The following ZFYVE9 variants were observed in gnomAD, a reference collection of about 807,000 sequenced individuals.
The protein encoded by ZFYVE9 is zinc finger FYVE domain-containing protein 9.
A neutral mutation model predicts 126.7 loss-of-function variants in ZFYVE9; 43 were observed. The observed-to-expected ratio is 0.34, with a 90% CI of 0.27 to 0.44. The LOEUF (loss-of-function observed/expected upper bound fraction) is 0.44. Ranked by LOEUF, ZFYVE9 falls within the 20% of genes least tolerant of loss-of-function variation. ZFYVE9 has a pLI of 1.00. For missense variants in ZFYVE9, 1,476 were observed against 1,697.0 expected (o/e 0.87, Z 2.29); for synonymous variants, 521 against 597.4 (o/e 0.87, Z 1.87).
At chr1:52,328,280 A>C (rs188225422) in intron 13 of ZFYVE9, among the ~76,000 whole-genome samples, 142 of 152,366 alleles carry the variant, frequency 9.3e-4, no homozygotes, top group African/African-American at 3.3e-3. Context: ...AGAGGCAATT[A>C]GGCCTTGAAC....
chr1:52,323,198 C>T (rs1646258165), intron 13 of ZFYVE9, among the ~76,000 whole-genome samples: 1 of 152,196 alleles, frequency 6.6e-6, no homozygotes. Flanking sequence ...GGCATGCTAC[C>T]TTACTGCCCT....
intron 4 of ZFYVE9, among the ~76,000 whole-genome samples, chr1:52,240,208 C>T (rs1017411758): frequency 6.6e-6 from 1 of 152,098 alleles, no homozygotes; most frequent in African/African-American, 2.4e-5. Flanking sequence ...TAGCTCTCCC[C>T]AAATTTTGTT....
chr1:52,190,353 T>C (rs1487061555), intron 1 of ZFYVE9: 3 of 152,212 alleles, frequency 2.0e-5, no homozygotes, highest in Non-Finnish European at 4.4e-5. Context: ...ACTGTTGAAT[T>C]GTCTATTTCT....
At chr1:52,178,097 G>A (rs1271084572) in intron 1 of ZFYVE9, among the ~76,000 whole-genome samples, 2 of 151,618 alleles carry the variant, frequency 1.3e-5, no homozygotes, top group African/African-American at 4.8e-5. Flanking sequence ...GGCTAACAAG[G>A]TGAAACCCCA....
chr1:52,155,753 T>C (rs1011203724), intron 1 of ZFYVE9, among the ~76,000 whole-genome samples: 1 of 152,182 alleles, frequency 6.6e-6, no homozygotes, highest in Non-Finnish European at 1.5e-5. Context: ...TGGGCCACAG[T>C]GGTATTCCTG....
chr1:52,238,022 C>G lies in ZFYVE9; in HGVS notation c.605C>G (p.Ser202Cys). The change falls in exon 4 of 19, where the codon TCC becomes TGC. Residue 202 changes from serine (S) to cysteine (C), a missense_variant. Physicochemically the swap from Ser to Cys is moderately radical, Grantham distance 112. This residue lies in a region of ZFYVE9 where 807 missense variants were observed against 794.6 expected (regional missense o/e 1.02). Coordinates refer to ENST00000287727, the MANE Select transcript of ZFYVE9 (RefSeq NM_004799.4). Reference sequence around the variant, plus strand: ...CAATTTAGTTTTAGTATAAATGAGTCCACTGAAAAAGATATGAATTCAGAG... The same window carrying G: ...CAATTTAGTTTTAGTATAAATGAGTGCACTGAAAAAGATATGAATTCAGAG... Reference protein sequence around the residue: ...TDQFSFSINESTEKDMNSEKQ... With the variant: ...TDQFSFSINECTEKDMNSEKQ... 2.5e-6 allele frequency: 4 copies of G among 1,613,730 alleles called. No individual in the cohort carries two copies. The South Asian group carries it at 3.3e-5, about 13-fold the overall frequency.
chr1:52,335,192 T>C (rs1467904935), intron 15 of ZFYVE9: 1 of 153,424 alleles, frequency 6.5e-6, no homozygotes, highest in Non-Finnish European at 1.5e-5. Context: ...TTAATTAAAC[T>C]AAAAGCTAAT....
At position 52,238,602 on chromosome 1, in the gene ZFYVE9, A is replaced by T. The variant is rs930011694; in HGVS notation, c.1185A>T (p.Glu395Asp). The change falls in exon 4 of 19, where the codon GAA (glutamate) becomes GAT (aspartate). Residue 395 changes from glutamate to aspartate, a missense_variant. Transcript: ENST00000287727. ...EFLNMTEHFS[E>D]SQDMTNWKLT... Reference sequence around the variant, plus strand: ...TTAATATGACAGAGCATTTCTCTGAATCTCAGGACATGACTAATTGGAAGT... The same window carrying T: ...TTAATATGACAGAGCATTTCTCTGATTCTCAGGACATGACTAATTGGAAGT... The T allele has an allele frequency of 1.9e-6, 3 of 1,613,964 alleles. No homozygotes were observed. The highest frequency in any genetic ancestry group is 1.3e-5 in the African/African-American group (1 of 74,930).
intron 1 of ZFYVE9, among the ~76,000 whole-genome samples, chr1:52,182,084 C>G (rs1039120110): frequency 6.7e-6 from 1 of 149,644 alleles, no homozygotes; most frequent in African/African-American, 2.5e-5. Context: ...CTGCCCCGTC[C>G]GGAGGGAGGT....
chr1:52,224,128 A>G (rs2124608456), intron 2 of ZFYVE9, among the ~76,000 whole-genome samples: 1 of 152,316 alleles, frequency 6.6e-6, no homozygotes, highest in African/African-American at 2.4e-5. Flanking sequence ...GGGTTGGGGT[A>G]GACTTCTTTG....
chr1:52,304,914 C>T (rs1018663757), intron 13 of ZFYVE9, among the ~76,000 whole-genome samples: 3 of 151,920 alleles, frequency 2.0e-5, no homozygotes, highest in African/African-American at 7.3e-5. Context: ...AAGGAGTAAT[C>T]GATGAGACTA....
At position 52,238,073 on chromosome 1, in the gene ZFYVE9, C is replaced by A. The variant is rs528396709; in HGVS notation, c.656C>A (p.Pro219Gln). Residue 219 changes from proline to glutamine, a missense_variant, in exon 4 of 19, where the codon CCG becomes CAG. Physicochemically the swap from Pro to Gln is moderately conservative, Grantham distance 76 (BLOSUM62 -1). Transcript: ENST00000287727. ...SEKQMDPLNR[P>Q]KTEGRSVNHL... ...AAACAAATGGATCCATTGAATAGAC[C>A]GAAAACAGAGGGGAGATCTGTTAAC... 1 of 1,613,880 alleles carries A rather than the reference C, an allele frequency of 6.2e-7. No individual in the cohort carries two copies.
intron 3 of ZFYVE9, among the ~76,000 whole-genome samples, chr1:52,234,756 GT>G (rs1188560438): frequency 6.6e-6 from 1 of 152,138 alleles, no homozygotes; most frequent in African/African-American, 2.4e-5. Context: ...AATCATTGGG[GT>G]TTTACATCAT....
In ZFYVE9 at chr1:52,202,261, G is replaced by A. The variant is rs202217781; in HGVS notation, c.-142-14108G>A. On this transcript the variant is annotated intron_variant, in intron 1 of 18. Transcript: ENST00000287727. ...TTGTAATTCTTTTCTTTACTCCTCC[G>A]TAGGTATAGTGTTTTTTTGTTTTGT... Among the ~76,000 whole-genome samples the A allele has an allele frequency of 3.8e-3, 581 of 151,478 alleles. 13 individuals are homozygous for A. In the East Asian group the frequency reaches 0.059, roughly 15 times the overall value.
At chr1:52,154,082 T>C (rs1644380465) in intron 1 of ZFYVE9, among the ~76,000 whole-genome samples, 1 of 152,274 alleles carries the variant, frequency 6.6e-6, no homozygotes, top group South Asian at 2.1e-4. Flanking sequence ...ATGGGCCTAC[T>C]GCCACAAATC....
intron 13 of ZFYVE9, among the ~76,000 whole-genome samples, chr1:52,314,957 G>A (rs962929413): frequency 1.3e-5 from 2 of 152,028 alleles, no homozygotes; most frequent in Non-Finnish European, 1.5e-5. Context: ...GAGGCAAAGC[G>A]TTTTCTCGGA....
chr1:52,163,441 G>A (rs867779121), intron 1 of ZFYVE9, among the ~76,000 whole-genome samples: 4 of 152,196 alleles, frequency 2.6e-5, no homozygotes, highest in South Asian at 2.1e-4. Context: ...AACAAAGGCC[G>A]CTCCACTCCA....
At chr1:52,316,165 CAAAAAAAAAAAA>C (rs367815611) in intron 13 of ZFYVE9, among the ~76,000 whole-genome samples, 12 of 39,214 alleles carry the variant, frequency 3.1e-4, no homozygotes, top group African/African-American at 1.1e-3. Context: ...AACTCCATCT[CAAAAAAAAAAAA>C]AAAAAAAAAA....
In ZFYVE9 at chr1:52,238,396, A is replaced by G. The variant is rs756625986; in HGVS notation, c.979A>G (p.Ser327Gly). ...ILMKKEPAEE[S>G]TTEESLRSGL... ...GATGAAAAAAGAGCCAGCAGAGGAGAGCACCACTGAAGAATCCCTCCGGTC... is the reference window on the plus strand; with the variant it reads ...GATGAAAAAAGAGCCAGCAGAGGAGGGCACCACTGAAGAATCCCTCCGGTC... The change falls in exon 4 of 19, where the codon AGC (serine) becomes GGC (glycine). Residue 327 changes from serine to glycine, a missense_variant. By Grantham distance (56) the Ser-to-Gly change is moderately conservative. This residue lies in a region of ZFYVE9 where 807 missense variants were observed against 794.6 expected (regional missense o/e 1.02). Transcript: ENST00000287727. The G allele has an allele frequency of 5.6e-6, 9 of 1,613,894 alleles. No individual in the cohort carries two copies. The highest frequency in any genetic ancestry group is 3.3e-5 in the Admixed American group (2 of 59,974).
Sources: allele counts gnomAD v4.1 joint callset (sites outside exome capture counted in the v4.1 genomes callset), GRCh38; gene constraint gnomAD v4.1.1; regional missense constraint gnomAD v4.1.1; transcripts MANE v1.5; gene names NCBI Gene and HGNC (gene_info 2026-07-23, HGNC 2026-07-21).